The following LAMC1 variants were observed in gnomAD, a reference collection of about 807,000 sequenced individuals.
LAMC1 encodes the protein laminin subunit gamma 1, also known as laminin subunit gamma-1.
In LAMC1, 38 loss-of-function variants were observed where a neutral mutation model predicts 173.6. The ratio of observed to expected loss-of-function variants is 0.22; its 90% CI spans 0.17 to 0.29. The LOEUF (loss-of-function observed/expected upper bound fraction) is 0.29. Ranked by LOEUF, LAMC1 falls within the 10% of genes least tolerant of loss-of-function variation. The pLI is 1.00. For missense variants in LAMC1, 1,824 were observed against 2,051.8 expected (o/e 0.89, Z 2.14); for synonymous variants, 746 against 749.1 (o/e 1.00, Z 0.07).
chr1:183,121,130 T>A (rs10752902), intron 11 of LAMC1, among the ~76,000 whole-genome samples: 78,749 of 151,928 alleles, frequency 0.52, 21,104 homozygotes, highest in South Asian at 0.65. Context: ...TAAAAAAAAT[T>A]AGTTTGGGCC....
At chr1:183,108,987 A>G (rs1656065907) in intron 3 of LAMC1, among the ~76,000 whole-genome samples, 1 of 152,206 alleles carries the variant, frequency 6.6e-6, no homozygotes, top group African/African-American at 2.4e-5. Context: ...GAGGATGGAC[A>G]TGTTGTAAGC....
chr1:183,114,021 G>A (rs1182006347), intron 4 of LAMC1, among the ~76,000 whole-genome samples: 2 of 152,138 alleles, frequency 1.3e-5, no homozygotes, highest in African/African-American at 4.8e-5. Flanking sequence ...TCATCTGGCT[G>A]TATATACCCT....
intron 2 of LAMC1, 129 bp from the exon 3 acceptor site, chr1:183,108,147 A>T: frequency 2.6e-6 from 2 of 758,508 alleles, no homozygotes; most frequent in Non-Finnish European, 4.2e-6. Context: ...GAGTATTATA[A>T]TAGATTTAGT....
At chr1:183,110,358 A>C in intron 3 of LAMC1, 130 bp from the exon 4 acceptor site, 1 of 616,160 alleles carries the variant, frequency 1.6e-6, no homozygotes, top group South Asian at 3.2e-5. Flanking sequence ...TCCATTACTT[A>C]ATCTTGCTCA....
intron 1 of LAMC1, among the ~76,000 whole-genome samples, chr1:183,088,852 T>C (rs916018591): frequency 6.6e-6 from 1 of 152,162 alleles, no homozygotes; most frequent in African/African-American, 2.4e-5. Flanking sequence ...ATAATAGGGA[T>C]GGCAAGACTG....
chr1:183,095,220 T>G (rs1232479252), intron 1 of LAMC1, among the ~76,000 whole-genome samples: 1 of 152,220 alleles, frequency 6.6e-6, no homozygotes, highest in African/African-American at 2.4e-5. Context: ...ATAGAAAAAG[T>G]AAACTATTGG....
chr1:183,062,152 A>G (rs1033264600), intron 1 of LAMC1, among the ~76,000 whole-genome samples: 4 of 152,240 alleles, frequency 2.6e-5, no homozygotes, highest in South Asian at 2.1e-4. Flanking sequence ...CTATGTTTCA[A>G]TCTTCACTTG....
At chr1:183,065,279 G>T (rs1654849003) in intron 1 of LAMC1, among the ~76,000 whole-genome samples, 1 of 151,910 alleles carries the variant, frequency 6.6e-6, no homozygotes, top group East Asian at 1.9e-4. Flanking sequence ...TATAGCGAGG[G>T]AGACAGAGAC....
chr1:183,140,589 C>A, intron 27 of LAMC1, 86 bp downstream of exon 27: 1 of 681,650 alleles, frequency 1.5e-6, no homozygotes, highest in East Asian at 2.9e-5. Flanking sequence ...GACTCAAAAG[C>A]AGATGATATA....
rs541595178 is a variant in LAMC1 at position 183,052,326 on chromosome 1, T to C, written c.418+28192T>C. Reference sequence around the variant, plus strand: ...ACTAAAAGGCTAATCTATCTATCTTTCTTTTGTTCTTTCTTTTCTTTTTTT... The same window carrying C: ...ACTAAAAGGCTAATCTATCTATCTTCCTTTTGTTCTTTCTTTTCTTTTTTT... On this transcript the variant is annotated intron_variant, in intron 1 of 27. Coordinates refer to ENST00000258341, the MANE Select transcript of LAMC1 (RefSeq NM_002293.4). Among the ~76,000 whole-genome samples the C allele has an allele frequency of 2.6e-5, 4 of 152,180 alleles. No homozygotes were observed. In the South Asian group the frequency reaches 8.3e-4, roughly 32 times the overall value.
intron 1 of LAMC1, among the ~76,000 whole-genome samples, chr1:183,096,029 A>G (rs114908045): frequency 0.014 from 2,203 of 152,288 alleles, 27 homozygotes; most frequent in Admixed American, 0.027. Context: ...AATTCCTATG[A>G]TAAGTCAATT....
chr1:183,024,864 GA>G (rs1357931071), intron 1 of LAMC1, among the ~76,000 whole-genome samples: 1 of 152,204 alleles, frequency 6.6e-6, no homozygotes, highest in Non-Finnish European at 1.5e-5. Flanking sequence ...AGCAACTGTA[GA>G]AACACGTGTA....
intron 11 of LAMC1, among the ~76,000 whole-genome samples, chr1:183,121,285 G>A (rs1039482889): frequency 1.3e-5 from 2 of 151,976 alleles, no homozygotes; most frequent in African/African-American, 4.8e-5. Flanking sequence ...AATTAGCCGG[G>A]CATGGTGGCA....
intron 24 of LAMC1, 39 bp downstream of exon 24, chr1:183,135,195 C>A: frequency 3.2e-6 from 4 of 1,240,208 alleles, no homozygotes; most frequent in Middle Eastern, 1.9e-4. Context: ...ATGCTTCCGC[C>A]ACTAGAGTGA....
At chr1:183,119,706 G>T (rs1215837083) in intron 11 of LAMC1, among the ~76,000 whole-genome samples, 1 of 152,010 alleles carries the variant, frequency 6.6e-6, no homozygotes, top group East Asian at 1.9e-4. Context: ...CTCCACTCCA[G>T]CCTGGACAAT....
chr1:183,029,932 A>G (rs898184137), intron 1 of LAMC1, among the ~76,000 whole-genome samples: 1 of 151,790 alleles, frequency 6.6e-6, no homozygotes, highest in Non-Finnish European at 1.5e-5. Flanking sequence ...GTGTAGATGC[A>G]GAGACCCATG....
At chr1:183,048,634 A>G (rs10797822) in intron 1 of LAMC1, among the ~76,000 whole-genome samples, 76,303 of 152,066 alleles carry the variant, frequency 0.5, 19,781 homozygotes, top group South Asian at 0.64. Context: ...AGCTACACAC[A>G]TGTACACCAC....
At chr1:183,083,427 T>G (rs1051722368) in intron 1 of LAMC1, among the ~76,000 whole-genome samples, 5 of 147,618 alleles carry the variant, frequency 3.4e-5, no homozygotes, top group Non-Finnish European at 7.5e-5. Context: ...GCTGCCCATA[T>G]ACTACCTGAT....
At chr1:183,082,909 T>C (rs1655323212) in intron 1 of LAMC1, among the ~76,000 whole-genome samples, 1 of 152,226 alleles carries the variant, frequency 6.6e-6, no homozygotes, top group Non-Finnish European at 1.5e-5. Context: ...ATGTGGATAA[T>C]ACCATCATTT....
Sources: allele counts gnomAD v4.1 joint callset (sites outside exome capture counted in the v4.1 genomes callset), GRCh38; gene constraint gnomAD v4.1.1; transcripts MANE v1.5; gene names NCBI Gene and HGNC (gene_info 2026-07-23, HGNC 2026-07-21).